The following GLYR1 variants were observed in gnomAD, a reference collection of about 807,000 sequenced individuals.
GLYR1 encodes the protein cytokine-like nuclear factor N-PAC.
Under a neutral mutation model 72.7 loss-of-function variants are expected in GLYR1, and 21 were observed. The ratio of observed to expected loss-of-function variants is 0.29; its 90% CI spans 0.20 to 0.42. The LOEUF is 0.42. Ranked by LOEUF, GLYR1 falls within the 10% of genes least tolerant of loss-of-function variation. The pLI is 1.00. For synonymous variants in GLYR1, 392 were observed against 270.2 expected (o/e 1.45, Z -4.42); for missense variants, 594 against 712.1 (o/e 0.83, Z 1.89).
intron 10 of GLYR1, among the ~76,000 whole-genome samples, chr16:4,815,682 A>T (rs1253424082): frequency 1.3e-5 from 2 of 152,218 alleles, no homozygotes; most frequent in Non-Finnish European, 2.9e-5. Context: ...CTCTCCTATT[A>T]TGCCAGTACC....
chr16:4,828,990 T>C (rs2084611661), intron 5 of GLYR1, among the ~76,000 whole-genome samples: 1 of 152,074 alleles, frequency 6.6e-6, no homozygotes, highest in South Asian at 2.1e-4. Context: ...CCAGATTCCT[T>C]TTGGATTCCA....
intron 13 of GLYR1, 134 bp from the exon 14 acceptor site, chr16:4,811,936 T>C: frequency 7.1e-7 from 1 of 1,414,616 alleles, no homozygotes; most frequent in Non-Finnish European, 9.5e-7. Context: ...AGACTGGCTC[T>C]TCCTCCTTCC....
At chr16:4,831,925 AC>A in intron 5 of GLYR1, 53 bp downstream of exon 5, 1 of 1,585,368 alleles carries the variant, frequency 6.3e-7, no homozygotes, top group South Asian at 1.2e-5. Context: ...GCTTAACTCT[AC>A]CTTGTACTAA....
At chr16:4,825,821 T>G (rs1329206474) in intron 5 of GLYR1, among the ~76,000 whole-genome samples, 1 of 151,804 alleles carries the variant, frequency 6.6e-6, no homozygotes, top group Non-Finnish European at 1.5e-5. Context: ...CCCAGCTAAT[T>G]TTTTGTATTT....
intron 5 of GLYR1, among the ~76,000 whole-genome samples, chr16:4,825,561 G>T (rs1172312700): frequency 1.3e-5 from 2 of 152,128 alleles, no homozygotes; most frequent in Non-Finnish European, 2.9e-5. Context: ...CCTTCATAGG[G>T]CTTACTATGT....
Position 4,805,215 on chromosome 16 carries a change from T to A in GLYR1, c.*21A>T, listed in dbSNP as rs565544953. 9 of 1,609,828 alleles carry A rather than the reference T, an allele frequency of 5.6e-6. No homozygotes were observed. The East Asian group carries it at 2.0e-4, about 36-fold the overall frequency. ...GGGGTCAGAGGGGGGATTGGAGGGG[T>A]GAGGGCGGGGTGTCGACAGCTTAGT... On this transcript the variant is annotated 3_prime_UTR_variant, in exon 16 of 16. Coordinates refer to ENST00000321919, the MANE Select transcript of GLYR1 (RefSeq NM_032569.4).
intron 3 of GLYR1, among the ~76,000 whole-genome samples, chr16:4,834,561 C>G (rs2085013674): frequency 6.6e-6 from 1 of 152,044 alleles, no homozygotes; most frequent in Non-Finnish European, 1.5e-5. Context: ...CTCCACCTCC[C>G]AGGTTCAAGC....
intron 5 of GLYR1, among the ~76,000 whole-genome samples, chr16:4,826,338 T>G (rs1429312077): frequency 6.6e-6 from 1 of 152,198 alleles, no homozygotes; most frequent in African/African-American, 2.4e-5. Context: ...ACTTCTGGCC[T>G]CAAGTGGTCC....
intron 3 of GLYR1, among the ~76,000 whole-genome samples, chr16:4,835,845 C>CA (rs2085096056): frequency 6.6e-6 from 1 of 152,064 alleles, no homozygotes; most frequent in Non-Finnish European, 1.5e-5. Flanking sequence ...ACAGTAACAA[C>CA]AAAAAAACCC....
At chr16:4,810,539 A>T (rs1440354357) in intron 15 of GLYR1, among the ~76,000 whole-genome samples, 6 of 150,520 alleles carry the variant, frequency 4.0e-5, no homozygotes, top group Non-Finnish European at 7.4e-5. Context: ...AAGAAAAGCT[A>T]AACTAAGTAG....
At chr16:4,814,490 T>G (rs757145412) in intron 11 of GLYR1, 47 bp downstream of exon 11, 1 of 1,435,936 alleles carries the variant, frequency 7.0e-7, no homozygotes, top group South Asian at 1.1e-5. Flanking sequence ...CAGCCAGCAA[T>G]CCTGGCTGTG....
chr16:4,806,670 G>A (rs988930760), intron 15 of GLYR1, among the ~76,000 whole-genome samples: 1 of 151,938 alleles, frequency 6.6e-6, no homozygotes, highest in African/African-American at 2.4e-5. Context: ...AGGATCACAA[G>A]TATAAGCCAC....
intron 9 of GLYR1, among the ~76,000 whole-genome samples, chr16:4,819,484 AT>A (rs1345470052): frequency 6.6e-6 from 1 of 151,818 alleles, no homozygotes; most frequent in Non-Finnish European, 1.5e-5. Context: ...AAGTTTTAAA[AT>A]TTTTTTGTAG....
At chr16:4,839,044 G>C (rs1015753406) in intron 3 of GLYR1, among the ~76,000 whole-genome samples, 14 of 152,102 alleles carry the variant, frequency 9.2e-5, no homozygotes, top group African/African-American at 3.1e-4. Flanking sequence ...ATGCTACTAC[G>C]CATGAACCCT....
At position 4,847,281 on chromosome 16, in the gene GLYR1, C is replaced by T; in HGVS notation, c.-16G>A. Reference sequence around the variant, plus strand: ...CAGCCGCCATCTTACCACCCAACCACCGCCGACGCACGGGCCGCCGGGAAC... The same window carrying T: ...CAGCCGCCATCTTACCACCCAACCATCGCCGACGCACGGGCCGCCGGGAAC... On this transcript the variant is annotated 5_prime_UTR_variant, in exon 1 of 16. It adds an upstream start codon to the 5' untranslated region. Coordinates refer to ENST00000321919, the MANE Select transcript of GLYR1 (RefSeq NM_032569.4). 6.2e-7 allele frequency: 1 copy of T among 1,610,146 alleles called. No individual in the cohort carries two copies. The highest frequency in any genetic ancestry group is 8.5e-7 in the Non-Finnish European group (1 of 1,178,976).
chr16:4,811,117 AAG>A, intron 15 of GLYR1, 51 bp downstream of exon 15: 5 of 1,567,240 alleles, frequency 3.2e-6, no homozygotes, highest in Admixed American at 2.1e-5. Flanking sequence ...AAAAAAAAAA[AAG>A]AAAGAAAAAG....
intron 9 of GLYR1, among the ~76,000 whole-genome samples, chr16:4,819,299 C>CA (rs2141979417): frequency 6.6e-6 from 1 of 152,210 alleles, no homozygotes; most frequent in East Asian, 1.9e-4. Context: ...GGGCGTGAGC[C>CA]ACTGCACCCA....
intron 1 of GLYR1, 104 bp from the exon 2 acceptor site, chr16:4,846,314 T>G: frequency 7.8e-7 from 1 of 1,286,944 alleles, no homozygotes; most frequent in Non-Finnish European, 1.1e-6. Flanking sequence ...GCTGGCATCC[T>G]CAAATGCCGA....
Position 4,847,216 on chromosome 16 carries a change from G to T in GLYR1, c.38+12C>A. 6.2e-7 allele frequency: 1 copy of T among 1,601,472 alleles called. No homozygotes were observed. The highest frequency in any genetic ancestry group is 8.5e-7 in the Non-Finnish European group (1 of 1,175,278). On this transcript the variant is annotated intron_variant, in intron 1 of 15. Coordinates refer to ENST00000321919, the MANE Select transcript of GLYR1 (RefSeq NM_032569.4). ...CCGGCGCGTCTCGGTTGGCCCGGCC[G>T]CTCGGACTCACCACACCAAGTCGCC... is the stretch of plus-strand genomic sequence containing the variant.
Sources: allele counts gnomAD v4.1 joint callset (sites outside exome capture counted in the v4.1 genomes callset), GRCh38; gene constraint gnomAD v4.1.1; transcripts MANE v1.5; gene names NCBI Gene and HGNC (gene_info 2026-07-23, HGNC 2026-07-21).